Variants in LOXHD1 observed in about 807,000 individuals in gnomAD.
LOXHD1 encodes lipoxygenase homology domain-containing protein 1.
Under a neutral mutation model 248.2 loss-of-function variants are expected in LOXHD1, and 205 were observed. The observed-to-expected ratio is 0.83, with a 90% confidence interval of 0.74 to 0.93. The LOEUF (loss-of-function observed/expected upper bound fraction) is 0.93, where lower values mean the gene tolerates loss of function less well. Among genes scored for constraint, LOXHD1 ranks in the 40% least tolerant of loss-of-function variants. The pLI, the probability that LOXHD1 is intolerant of heterozygous loss-of-function variation, is 0.00. For synonymous variants in LOXHD1, 1,113 were observed against 1,162.8 expected (o/e 0.96, Z 0.87); for missense variants, 2,930 against 2,971.6 (o/e 0.99, Z 0.33).
At chr18:46,511,569 C>G (rs547257024) in intron 34 of LOXHD1, among the ~76,000 whole-genome samples, 3 of 152,340 alleles carry the variant, frequency 2.0e-5, no homozygotes, top group Non-Finnish European at 4.4e-5. Flanking sequence ...TCACTGGGCT[C>G]CATGACTGAG....
intron 38 of LOXHD1, among the ~76,000 whole-genome samples, chr18:46,485,758 A>C (rs970317785): frequency 2.0e-5 from 3 of 152,136 alleles, no homozygotes; most frequent in Non-Finnish European, 4.4e-5. Context: ...CATATGACAG[A>C]ATGTGATAGA....
rs1281500675 is a variant in LOXHD1, at chr18:46,488,938, C to T, written c.6049+34G>A. Reference sequence around the variant, plus strand: ...CTTCTTATTCCAGCACCATTCCCTGCCTCCCTCCTGAGCCAATGATCTCCC... The same window carrying T: ...CTTCTTATTCCAGCACCATTCCCTGTCTCCCTCCTGAGCCAATGATCTCCC... On this transcript the variant is annotated intron_variant, in intron 38 of 40. Transcript: ENST00000642948. The T allele has an allele frequency of 4.5e-6, 7 of 1,539,144 alleles. No individual in the cohort carries two copies. The South Asian group carries it at 8.4e-5, about 18-fold the overall frequency.
At chr18:46,614,907 C>A (rs1478888864) in intron 5 of LOXHD1, among the ~76,000 whole-genome samples, 1 of 152,016 alleles carries the variant, frequency 6.6e-6, no homozygotes, top group African/African-American at 2.4e-5. Flanking sequence ...TTCATAATTT[C>A]TTAAATATTT....
chr18:46,559,381 G>A (rs2037459819), intron 20 of LOXHD1, 67 bp downstream of exon 20: 3 of 1,550,884 alleles, frequency 1.9e-6, no homozygotes, highest in Non-Finnish European at 2.6e-6. Context: ...GCGATGGGCT[G>A]CCATGGGAAT....
At position 46,657,119 on chromosome 18, in the gene LOXHD1, T is replaced by C; in HGVS notation, c.-86A>G. 8 of 1,546,210 alleles carry C rather than the reference T, an allele frequency of 5.2e-6. No homozygotes were observed. The highest frequency in any genetic ancestry group is 6.1e-6 in the Non-Finnish European group (7 of 1,144,708). On this transcript the variant is annotated 5_prime_UTR_variant, in exon 1 of 41. Coordinates refer to ENST00000642948, the MANE Select transcript of LOXHD1 (RefSeq NM_001384474.1). ...GGAACCTGAGACCTCCTCCCTGAGC[T>C]CTGGCGCCCACGGCCCTCCTATAGC...
At chr18:46,639,402 C>G (rs949102489) in intron 4 of LOXHD1, among the ~76,000 whole-genome samples, 1 of 152,220 alleles carries the variant, frequency 6.6e-6, no homozygotes, top group South Asian at 2.1e-4. Flanking sequence ...TTGTATTTCC[C>G]ACCTCCTTGA....
chr18:46,510,636 C>T (rs1393917197), intron 34 of LOXHD1, among the ~76,000 whole-genome samples: 1 of 152,182 alleles, frequency 6.6e-6, no homozygotes, highest in East Asian at 1.9e-4. Flanking sequence ...AATCGTCGTG[C>T]TTCCTTGAAT....
intron 28 of LOXHD1, 104 bp downstream of exon 28, chr18:46,533,058 C>G: frequency 1.6e-6 from 2 of 1,274,502 alleles, no homozygotes; most frequent in Non-Finnish European, 2.2e-6. Flanking sequence ...ACAACAGACC[C>G]TACTCCTGGG....
At chr18:46,623,747 C>G (rs2038700528) in intron 4 of LOXHD1, among the ~76,000 whole-genome samples, 1 of 152,214 alleles carries the variant, frequency 6.6e-6, no homozygotes, top group Non-Finnish European at 1.5e-5. Flanking sequence ...GCCTGGTGCA[C>G]CAGCCACCCC....
chr18:46,545,287 G>T, intron 23 of LOXHD1, 30 bp downstream of exon 23: 3 of 1,476,654 alleles, frequency 2.0e-6, no homozygotes, highest in Non-Finnish European at 2.8e-6. Flanking sequence ...AAGAATGTGG[G>T]TGAATCTTGG....
intron 31 of LOXHD1, among the ~76,000 whole-genome samples, chr18:46,522,967 G>A (rs1046829794): frequency 1.3e-5 from 2 of 150,806 alleles, no homozygotes; most frequent in Non-Finnish European, 3.0e-5. Flanking sequence ...TTTTTTTTGA[G>A]ATGGAGTTCC....
Position 46,559,574 on chromosome 18 carries a change from C to T in LOXHD1, c.3090G>A (p.Thr1030=), listed in dbSNP as rs113994614. ...ERNTYEVQVV[T]GNVPKAGTDA... ...CAGTGCCGGCCTTGGGCACATTCCC[C>T]GTGACCACCTGAACCTCATAGGTGT... Residue 1030 remains threonine (T), a synonymous_variant, in exon 20 of 41, where the codon ACG becomes ACA. Coordinates refer to ENST00000642948, the MANE Select transcript of LOXHD1 (RefSeq NM_001384474.1). 3.9e-4 allele frequency: 602 copies of T among 1,551,834 alleles called. 4 individuals carry two copies. The African/African-American group carries it at 6.6e-3, about 17-fold the overall frequency.
intron 4 of LOXHD1, among the ~76,000 whole-genome samples, chr18:46,636,934 T>C (rs1465864606): frequency 6.6e-6 from 1 of 152,016 alleles, no homozygotes; most frequent in Non-Finnish European, 1.5e-5. Flanking sequence ...TCACCTGAGG[T>C]TGGGAGTTCG....
intron 1 of LOXHD1, among the ~76,000 whole-genome samples, chr18:46,652,198 A>G (rs1385720243): frequency 6.6e-6 from 1 of 152,240 alleles, no homozygotes; most frequent in Non-Finnish European, 1.5e-5. Context: ...TGTAGCAGGA[A>G]GCAGAAATGT....
rs1434602260 is a variant in LOXHD1, at chr18:46,591,925, G to T, written c.1654+8C>A. Reference sequence around the variant, plus strand: ...GCCTCCCAGGATGGAGAGCCTGTCAGTACTTACTGCCCATGATCCTGCGCA... The same window carrying T: ...GCCTCCCAGGATGGAGAGCCTGTCATTACTTACTGCCCATGATCCTGCGCA... On this transcript the variant is annotated splice_region_variant and intron_variant, in intron 12 of 40. Coordinates refer to ENST00000642948, the MANE Select transcript of LOXHD1 (RefSeq NM_001384474.1). 1 of 1,551,716 alleles carries T rather than the reference G, an allele frequency of 6.4e-7. No homozygotes were observed.
At chr18:46,516,825 C>T (rs2035278416) in intron 34 of LOXHD1, among the ~76,000 whole-genome samples, 1 of 152,030 alleles carries the variant, frequency 6.6e-6, no homozygotes, top group African/African-American at 2.4e-5. Flanking sequence ...TCATCATCAT[C>T]ATCCCTACCA....
At chr18:46,585,753 T>C (rs2038047630) in intron 12 of LOXHD1, among the ~76,000 whole-genome samples, 2 of 152,100 alleles carry the variant, frequency 1.3e-5, no homozygotes, top group African/African-American at 2.4e-5. Flanking sequence ...GAATGAATAA[T>C]CAAGGAGAAG....
At chr18:46,647,651 C>G (rs1258874218) in intron 2 of LOXHD1, among the ~76,000 whole-genome samples, 2 of 152,176 alleles carry the variant, frequency 1.3e-5, no homozygotes, top group Admixed American at 6.5e-5. Context: ...GTAAGCGGTA[C>G]AAGAAGGCAG....
intron 4 of LOXHD1, among the ~76,000 whole-genome samples, chr18:46,629,861 C>A (rs983253212): frequency 1.3e-5 from 2 of 151,378 alleles, no homozygotes; most frequent in African/African-American, 4.9e-5. Context: ...AATGGGAGTC[C>A]AGATGTAAAC....
Sources: gnomAD v4.1 joint callset for allele counts (sites outside exome capture counted in the v4.1 genomes callset) on GRCh38, gnomAD v4.1.1 for gene constraint, MANE v1.5 for transcripts, NCBI Gene and HGNC (gene_info 2026-07-23, HGNC 2026-07-21) for gene names.